The following CRIM1 variants were observed in gnomAD, a reference collection of about 807,000 sequenced individuals.
CRIM1 encodes the protein cysteine-rich motor neuron 1 protein.
In CRIM1, 32 loss-of-function variants were observed where a neutral mutation model predicts 116.4. The observed-to-expected ratio is 0.27, with a 90% confidence interval of 0.21 to 0.37. The LOEUF (loss-of-function observed/expected upper bound fraction) is 0.37, where lower values mean the gene tolerates loss of function less well. CRIM1 is among the 10% of genes least tolerant of loss of function. The probability of loss-of-function intolerance (pLI) is 1.00; values close to 1 mark genes in which losing one functional copy is unlikely to be tolerated. For missense variants in CRIM1, 1,331 were observed against 1,354.8 expected, an observed-to-expected ratio of 0.98 and a Z score of 0.28; for synonymous variants, 590 against 509.2, an observed-to-expected ratio of 1.16 and a Z score of -2.13.
chr2:36,406,848 T>G (rs897094560), intron 2 of CRIM1, among the ~76,000 whole-genome samples: 14 of 152,298 alleles, frequency 9.2e-5, no homozygotes, highest in African/African-American at 2.9e-4. Flanking sequence ...ATTATGCTTG[T>G]GAATGTGTTG....
At chr2:36,465,586 T>C (rs1411491532) in intron 5 of CRIM1, among the ~76,000 whole-genome samples, 3 of 152,200 alleles carry the variant, frequency 2.0e-5, no homozygotes, top group Non-Finnish European at 4.4e-5. Flanking sequence ...TTGAGTCCTA[T>C]TTGGTTGCAT....
At chr2:36,509,854 C>T (rs1681692667) in intron 8 of CRIM1, 129 bp from the exon 9 acceptor site, 3 of 741,526 alleles carry the variant, frequency 4.0e-6, no homozygotes, top group African/African-American at 3.5e-5. Flanking sequence ...TAATGATAAC[C>T]AGTGCCATGG....
chr2:36,471,542 T>C (rs1030827079), intron 5 of CRIM1, among the ~76,000 whole-genome samples: 2 of 152,182 alleles, frequency 1.3e-5, no homozygotes, highest in African/African-American at 2.4e-5. Context: ...GTTAGCAGTT[T>C]TTAGCAATAA....
At chr2:36,428,459 T>A (rs1166416945) in intron 2 of CRIM1, among the ~76,000 whole-genome samples, 1 of 152,208 alleles carries the variant, frequency 6.6e-6, no homozygotes, top group Non-Finnish European at 1.5e-5. Context: ...AAGGATTAGA[T>A]TGATTTATTG....
At position 36,436,038 on chromosome 2, in the gene CRIM1, C is replaced by G. The variant is rs188123542; in HGVS notation, c.506-5220C>G. 4.7e-3 allele frequency among the ~76,000 whole-genome samples: 714 copies of G among 151,050 alleles called. 10 individuals are homozygous for G. Among genetic ancestry groups the G allele is most frequent in the African/African-American group, 0.016 (678 of 41,170 alleles). On this transcript the variant is annotated intron_variant, in intron 2 of 16. Coordinates refer to ENST00000280527, the MANE Select transcript of CRIM1 (RefSeq NM_016441.3). ...ACCATAGGGAAAGAGTTAGGAGAGACTTCAAATAGATAAAATTAAAAATTC... is the reference window on the plus strand; with the variant it reads ...ACCATAGGGAAAGAGTTAGGAGAGAGTTCAAATAGATAAAATTAAAAATTC...
intron 1 of CRIM1, among the ~76,000 whole-genome samples, chr2:36,383,499 A>G (rs1418367551): frequency 1.3e-5 from 2 of 152,200 alleles, no homozygotes; most frequent in African/African-American, 4.8e-5. Flanking sequence ...TTTTCCATGC[A>G]GTATTGTTAG....
chr2:36,376,493 G>GT, intron 1 of CRIM1, among the ~76,000 whole-genome samples: 1 of 152,306 alleles, frequency 6.6e-6, no homozygotes, highest in Non-Finnish European at 1.5e-5. Flanking sequence ...GAGAGGCTCA[G>GT]TTTTGAGAGC....
intron 4 of CRIM1, among the ~76,000 whole-genome samples, chr2:36,452,808 G>A (rs1572764952): frequency 6.6e-6 from 1 of 152,116 alleles, no homozygotes; most frequent in Non-Finnish European, 1.5e-5. Flanking sequence ...AGTGGTCATG[G>A]ATATCACCAG....
chr2:36,547,205 T>C (rs747338062), intron 16 of CRIM1, 34 bp downstream of exon 16: 3 of 1,549,740 alleles, frequency 1.9e-6, no homozygotes, highest in African/African-American at 1.4e-5. Context: ...TCTTGAATGA[T>C]GAATCTAGGA....
At chr2:36,379,605 G>A (rs904177756) in intron 1 of CRIM1, among the ~76,000 whole-genome samples, 3 of 152,152 alleles carry the variant, frequency 2.0e-5, no homozygotes, top group African/African-American at 7.2e-5. Context: ...TGTACTTGGG[G>A]TCCAAACTCT....
intron 4 of CRIM1, among the ~76,000 whole-genome samples, chr2:36,453,508 A>G: frequency 6.6e-6 from 1 of 152,202 alleles, no homozygotes; most frequent in Non-Finnish European, 1.5e-5. Context: ...AGCACGGGTA[A>G]GTAATGAATG....
chr2:36,503,334 C>T (rs184839369), intron 8 of CRIM1, among the ~76,000 whole-genome samples: 13 of 152,280 alleles, frequency 8.5e-5, no homozygotes, highest in African/African-American at 2.9e-4. Flanking sequence ...TGCTTTACTT[C>T]TTTGGGACTC....
At chr2:36,386,182 C>T (rs1365956011) in intron 1 of CRIM1, among the ~76,000 whole-genome samples, 1 of 152,156 alleles carries the variant, frequency 6.6e-6, no homozygotes, top group Non-Finnish European at 1.5e-5. Flanking sequence ...TGGTACTGTG[C>T]ATTATTCATG....
At chr2:36,435,843 G>A (rs1201166085) in intron 2 of CRIM1, among the ~76,000 whole-genome samples, 1 of 151,628 alleles carries the variant, frequency 6.6e-6, no homozygotes. Context: ...AGATTATTAA[G>A]ATGATGAAAC....
intron 13 of CRIM1, chr2:36,529,185 T>G: frequency 2.1e-6 from 1 of 471,218 alleles, no homozygotes; most frequent in South Asian, 1.5e-5. Context: ...CCTCTAGTGG[T>G]CAAGGATATG....
At chr2:36,467,301 A>G (rs1286489644) in intron 5 of CRIM1, among the ~76,000 whole-genome samples, 1 of 152,240 alleles carries the variant, frequency 6.6e-6, no homozygotes, top group East Asian at 1.9e-4. Flanking sequence ...TACTGTGAAG[A>G]TTCATAATCC....
intron 4 of CRIM1, among the ~76,000 whole-genome samples, chr2:36,454,031 A>G (rs1676935931): frequency 6.6e-6 from 1 of 152,152 alleles, no homozygotes; most frequent in South Asian, 2.1e-4. Context: ...CCATTGCAAG[A>G]CTGCATTACT....
rs1002873309 is a variant in CRIM1 at position 36,513,668 on chromosome 2, T to C, written c.1893T>C (p.Cys631=). The change falls in exon 11 of 17, where the codon TGT becomes TGC. Residue 631 remains cysteine (C), a synonymous_variant. Coordinates refer to ENST00000280527, the MANE Select transcript of CRIM1 (RefSeq NM_016441.3). ...SWHDGCRECY[C]LNGREMCALI... is the part of the protein sequence containing the mutation. ...ACGATGGGTGCCGGGAATGCTACTG[T>C]CTCAATGGACGGGAAATGTGTGCCC... 4.3e-6 allele frequency: 7 copies of C among 1,614,090 alleles called. No homozygotes were observed. The highest frequency in any genetic ancestry group is 5.9e-6 in the Non-Finnish European group (7 of 1,180,040).
intron 11 of CRIM1, 51 bp from the exon 12 acceptor site, chr2:36,517,276 T>C (rs2125121064): frequency 6.8e-7 from 1 of 1,463,182 alleles, no homozygotes; most frequent in Non-Finnish European, 9.6e-7. Flanking sequence ...CTTTCAAGAG[T>C]TGGAAAGATT....
Sources: gnomAD v4.1 joint callset for allele counts (sites outside exome capture counted in the v4.1 genomes callset) on GRCh38, gnomAD v4.1.1 for gene constraint, MANE v1.5 for transcripts, NCBI Gene and HGNC (gene_info 2026-07-23, HGNC 2026-07-21) for gene names.